The following KIF16B variants were observed in gnomAD, a reference collection of about 807,000 sequenced individuals.
The protein encoded by KIF16B is kinesin family member 16B.
A neutral mutation model predicts 156.3 loss-of-function variants in KIF16B; 98 were observed. That is an observed-to-expected ratio of 0.63 (90% CI 0.53 to 0.74). The LOEUF is 0.74. Among genes scored for constraint, KIF16B ranks in the 30% least tolerant of loss-of-function variants. The pLI is 0.00. For missense variants in KIF16B, 1,421 were observed against 1,606.5 expected (o/e 0.88, Z 1.97); for synonymous variants, 564 against 583.7 (o/e 0.97, Z 0.49).
At chr20:16,338,371 C>T (rs934419755) in intron 23 of KIF16B, among the ~76,000 whole-genome samples, 3 of 152,214 alleles carry the variant, frequency 2.0e-5, no homozygotes, top group Admixed American at 6.5e-5. Flanking sequence ...GCTCTACCCT[C>T]CTCCTTGCAG....
In KIF16B at chr20:16,383,726, T is replaced by C. The variant is rs147637707; in HGVS notation, c.1785-1979A>G. Among the ~76,000 whole-genome samples the C allele has an allele frequency of 1.8e-3, 268 of 152,362 alleles. 1 individual carries two copies. The highest frequency in any genetic ancestry group is 5.9e-3 in the African/African-American group (244 of 41,582). ...ATATTTACATAGTCAAAAAGAATCA[T>C]TGGATAAAATACTTTTTAAAATCTG... On this transcript the variant is annotated intron_variant, in intron 17 of 25. Transcript: ENST00000354981.
At chr20:16,570,227 A>AT (rs1345367194) in intron 1 of KIF16B, among the ~76,000 whole-genome samples, 1 of 152,216 alleles carries the variant, frequency 6.6e-6, no homozygotes, top group African/African-American at 2.4e-5. Context: ...CTTTACACAT[A>AT]TATCTTTGTA....
chr20:16,456,532 G>C (rs1330126614), intron 12 of KIF16B, among the ~76,000 whole-genome samples: 1 of 152,050 alleles, frequency 6.6e-6, no homozygotes, highest in Non-Finnish European at 1.5e-5. Flanking sequence ...CCTGATGGAA[G>C]GTGGGACCCT....
chr20:16,353,904 A>G (rs1378989649), intron 23 of KIF16B, among the ~76,000 whole-genome samples: 1 of 152,214 alleles, frequency 6.6e-6, no homozygotes, highest in African/African-American at 2.4e-5. Flanking sequence ...TGGTGCTAAC[A>G]CATTCCTGGT....
intron 25 of KIF16B, among the ~76,000 whole-genome samples, chr20:16,281,611 G>T (rs2063147350): frequency 6.6e-6 from 1 of 152,156 alleles, no homozygotes; most frequent in South Asian, 2.1e-4. Context: ...GGTCAAATAG[G>T]CTGGGTTCCC....
At chr20:16,434,052 C>A (rs1452145172) in intron 12 of KIF16B, among the ~76,000 whole-genome samples, 1 of 152,016 alleles carries the variant, frequency 6.6e-6, no homozygotes, top group Non-Finnish European at 1.5e-5. Flanking sequence ...GGCAACCATG[C>A]TTATTTGGAT....
At chr20:16,367,947 T>C (rs955788708) in intron 22 of KIF16B, 4 of 1,444,810 alleles carry the variant, frequency 2.8e-6, no homozygotes, top group Non-Finnish European at 3.6e-6. Flanking sequence ...CAGAGAGAGG[T>C]AGAGCATGAA....
Position 16,427,206 on chromosome 20 carries a change from T to C in KIF16B, c.1510A>G (p.Ile504Val). 6.2e-7 allele frequency: 1 copy of C among 1,612,992 alleles called. No homozygotes were observed. The highest frequency in any genetic ancestry group is 8.5e-7 in the Non-Finnish European group (1 of 1,179,350). Residue 504 changes from isoleucine (I) to valine (V), a missense_variant, in exon 15 of 26, where the codon ATC becomes GTC. Transcript: ENST00000354981. ...ACTGTCCCCCCGATATTTTCAAAGA[T>C]GCAATGCTCACTCTCCAAGTCAAGG... ...HGLDLESEHCIFENIGGTVTL... is the reference protein window; with the variant it reads ...HGLDLESEHCVFENIGGTVTL...
At chr20:16,366,836 G>A (rs1012434312) in intron 22 of KIF16B, 43 of 1,070,772 alleles carry the variant, frequency 4.0e-5, no homozygotes, top group Admixed American at 9.6e-5. Flanking sequence ...AAATCGACAC[G>A]AAAACAAACA....
rs557914920 is a variant in KIF16B, at chr20:16,487,651, C to T, written c.1302+6640G>A. 7.2e-5 allele frequency among the ~76,000 whole-genome samples: 11 copies of T among 152,202 alleles called. No individual in the cohort carries two copies. The East Asian group carries it at 1.2e-3, about 16-fold the overall frequency. ...AATTTAAACTCAGAACATCTTAAGC[C>T]GGAAAAGAATCCCAATTTCATTTTA... On this transcript the variant is annotated intron_variant, in intron 12 of 25. Transcript: ENST00000354981.
chr20:16,424,927 A>C (rs1419746765), intron 15 of KIF16B, among the ~76,000 whole-genome samples: 1 of 152,182 alleles, frequency 6.6e-6, no homozygotes, highest in Admixed American at 6.6e-5. Flanking sequence ...GTATTAGTGT[A>C]TTGGTATAAA....
chr20:16,314,688 G>C (rs2063670673), intron 24 of KIF16B, among the ~76,000 whole-genome samples: 1 of 152,192 alleles, frequency 6.6e-6, no homozygotes, highest in Admixed American at 6.5e-5. Flanking sequence ...TGAAGATTTA[G>C]TGACTGGATT....
rs185183903 is a variant in KIF16B at position 16,403,693 on chromosome 20, C to T, written c.1784+1120G>A. On this transcript the variant is annotated intron_variant, in intron 17 of 25. Coordinates refer to ENST00000354981, the MANE Select transcript of KIF16B (RefSeq NM_024704.5). ...TTGGATTTGGGCTTCAGCTTGCTGG[C>T]CCATAAAATGAGGAATCCAGAAATG... Among the ~76,000 whole-genome samples, 240 of 152,246 alleles carry T rather than the reference C, an allele frequency of 1.6e-3. 1 individual carries two copies. The highest frequency in any genetic ancestry group is 3.8e-3 in the Admixed American group (58 of 15,286).
rs1399065690 is a variant in KIF16B at position 16,533,064 on chromosome 20, CTG to C, written c.48-4626_48-4625del. 3.3e-5 allele frequency among the ~76,000 whole-genome samples: 5 copies of C among 152,288 alleles called. No homozygotes were observed. The East Asian group carries it at 9.6e-4, about 29-fold the overall frequency. ...ACTGAAAGGCTGTTATGCAATATGA[CTG>C]TCTTTTTATTAGCTACTTCTAAAAT... is the stretch of plus-strand genomic sequence containing the variant. On this transcript the variant is annotated intron_variant, in intron 1 of 25. Transcript: ENST00000354981.
At chr20:16,403,381 A>G (rs1012792300) in intron 17 of KIF16B, among the ~76,000 whole-genome samples, 1 of 152,258 alleles carries the variant, frequency 6.6e-6, no homozygotes, top group African/African-American at 2.4e-5. Context: ...GACCTACAAC[A>G]AAACGTGCCT....
intron 12 of KIF16B, among the ~76,000 whole-genome samples, chr20:16,474,152 C>T (rs1418253645): frequency 4.6e-5 from 7 of 152,142 alleles, no homozygotes; most frequent in Non-Finnish European, 7.3e-5. Flanking sequence ...GGCTACCCTC[C>T]GGGTCAACTC....
At chr20:16,555,278 A>AT (rs1460340563) in intron 1 of KIF16B, among the ~76,000 whole-genome samples, 2 of 152,266 alleles carry the variant, frequency 1.3e-5, no homozygotes, top group African/African-American at 4.8e-5. Context: ...AATAAGGAAC[A>AT]TATGATCCTC....
At chr20:16,415,667 T>C (rs920598618) in intron 15 of KIF16B, among the ~76,000 whole-genome samples, 2 of 152,120 alleles carry the variant, frequency 1.3e-5, no homozygotes, top group African/African-American at 2.4e-5. Flanking sequence ...CTCCATCCCC[T>C]TTCCAGTCTT....
intron 17 of KIF16B, among the ~76,000 whole-genome samples, chr20:16,391,501 C>T (rs918736292): frequency 7.2e-5 from 11 of 152,096 alleles, no homozygotes; most frequent in African/African-American, 2.4e-4. Flanking sequence ...ATGCGTATGC[C>T]GTGAGATAAG....
Sources: gnomAD v4.1 joint callset for allele counts (sites outside exome capture counted in the v4.1 genomes callset) on GRCh38, gnomAD v4.1.1 for gene constraint, MANE v1.5 for transcripts, NCBI Gene and HGNC (gene_info 2026-07-23, HGNC 2026-07-21) for gene names.